Variants in LRBA observed in about 807,000 individuals in gnomAD.
LRBA encodes lipopolysaccharide-responsive and beige-like anchor protein.
A neutral mutation model predicts 330.0 loss-of-function variants in LRBA; 176 were observed. The observed-to-expected ratio is 0.53, with a 90% CI of 0.47 to 0.60. The LOEUF is 0.60. Ranked by LOEUF, LRBA falls within the 20% of genes least tolerant of loss-of-function variation. LRBA has a pLI of 0.00. For synonymous variants in LRBA, 1,230 were observed against 1,193.0 expected (o/e 1.03, Z -0.64); for missense variants, 3,259 against 3,444.8 (o/e 0.95, Z 1.35).
intron 55 of LRBA, among the ~76,000 whole-genome samples, chr4:150,278,627 T>C (rs1200356008): frequency 2.0e-5 from 3 of 152,202 alleles, no homozygotes; most frequent in Admixed American, 2.0e-4. Flanking sequence ...TGTCCTTTCC[T>C]ACTAGCGCTG....
At chr4:150,844,568 T>C in intron 27 of LRBA, 90 bp downstream of exon 27, 6 of 1,192,704 alleles carry the variant, frequency 5.0e-6, no homozygotes, top group Non-Finnish European at 1.2e-6. Flanking sequence ...CTGCCAGATT[T>C]ATTTAACTTT....
chr4:150,830,463 T>C (rs1433845094), intron 29 of LRBA, among the ~76,000 whole-genome samples: 1 of 152,190 alleles, frequency 6.6e-6, no homozygotes, highest in Non-Finnish European at 1.5e-5. Flanking sequence ...CCAGCTCAGC[T>C]GTTTTAGTCA....
chr4:150,648,170 A>AAAAAAAAAAAAAAAAAAAC (rs1203233562), intron 37 of LRBA, among the ~76,000 whole-genome samples: 2 of 144,188 alleles, frequency 1.4e-5, no homozygotes, highest in Admixed American at 7.1e-5. Flanking sequence ...AAAAAAAAAA[A>AAAAAAAAAAAAAAAAAAAC]AAAAAAACTA....
chr4:150,418,039 A>T (rs1748048331), intron 46 of LRBA, among the ~76,000 whole-genome samples: 1 of 150,278 alleles, frequency 6.7e-6, no homozygotes, highest in Admixed American at 6.6e-5. Context: ...TTTTTGGTTA[A>T]GAGACAGGGT....
chr4:150,595,543 T>C (rs1030386788), intron 38 of LRBA, among the ~76,000 whole-genome samples: 2 of 151,996 alleles, frequency 1.3e-5, no homozygotes, highest in African/African-American at 4.8e-5. Flanking sequence ...TAAAAATGTC[T>C]TGAATTCAAT....
chr4:150,590,613 A>G (rs1400223457), intron 39 of LRBA, 100 bp downstream of exon 39: 1 of 976,282 alleles, frequency 1.0e-6, no homozygotes, highest in Admixed American at 2.3e-5. Context: ...AATTGTGGGT[A>G]TAAACTTGGT....
intron 37 of LRBA, among the ~76,000 whole-genome samples, 168 bp downstream of exon 37, chr4:150,683,383 C>A (rs909764846): frequency 2.6e-5 from 4 of 152,034 alleles, no homozygotes; most frequent in African/African-American, 9.7e-5. Context: ...CATAATTGTA[C>A]CCATACTGAT....
chr4:150,570,601 T>G (rs1265730160), intron 40 of LRBA, among the ~76,000 whole-genome samples: 1 of 152,156 alleles, frequency 6.6e-6, no homozygotes, highest in East Asian at 1.9e-4. Flanking sequence ...AAAGATCTTT[T>G]GAGTCATTCA....
intron 40 of LRBA, among the ~76,000 whole-genome samples, chr4:150,514,838 T>C (rs1011170607): frequency 6.6e-6 from 1 of 152,240 alleles, no homozygotes; most frequent in Non-Finnish European, 1.5e-5. Flanking sequence ...ATGAATCATC[T>C]GCTTTGAGAA....
At chr4:151,009,741 G>C (rs544538862) in intron 2 of LRBA, among the ~76,000 whole-genome samples, 50 of 152,206 alleles carry the variant, frequency 3.3e-4, no homozygotes, top group African/African-American at 1.2e-3. Context: ...AGCACTTTGA[G>C]AGGCCAGGGC....
At position 150,690,449 on chromosome 4, in the gene LRBA, G is replaced by T. The variant is rs190458779; in HGVS notation, c.5755-6732C>A. ...ACCAGGGAGTTGGAGGTTGCAGTGA[G>T]CCGAGATCACGCCACTGCACTCCAG... On this transcript the variant is annotated intron_variant, in intron 36 of 56. Coordinates refer to ENST00000651943, the MANE Select transcript of LRBA (RefSeq NM_001364905.1). Among the ~76,000 whole-genome samples, 144 of 149,730 alleles carry T rather than the reference G, an allele frequency of 9.6e-4. 1 individual carries two copies. The highest frequency in any genetic ancestry group is 7.9e-3 in the Admixed American group (118 of 14,986).
At chr4:150,464,546 CCTTTT>C (rs1333651036) in intron 44 of LRBA, among the ~76,000 whole-genome samples, 3 of 151,966 alleles carry the variant, frequency 2.0e-5, no homozygotes, top group East Asian at 1.9e-4. Flanking sequence ...GTAAGGCCTT[CCTTTT>C]CTTTTCAATT....
intron 8 of LRBA, among the ~76,000 whole-genome samples, chr4:150,914,602 G>A (rs1241837749): frequency 6.6e-6 from 1 of 152,038 alleles, no homozygotes; most frequent in Non-Finnish European, 1.5e-5. Context: ...CACTGAGTAT[G>A]GCAAGTTACT....
intron 44 of LRBA, among the ~76,000 whole-genome samples, chr4:150,442,439 G>T (rs1296180609): frequency 1.3e-5 from 2 of 152,146 alleles, no homozygotes; most frequent in Admixed American, 6.6e-5. Flanking sequence ...GGAAAGGGAG[G>T]CAAAAGAGCA....
At chr4:150,572,044 T>C (rs1361960685) in intron 40 of LRBA, among the ~76,000 whole-genome samples, 1 of 152,050 alleles carries the variant, frequency 6.6e-6, no homozygotes, top group Non-Finnish European at 1.5e-5. Flanking sequence ...TTTTAGAACA[T>C]ATGTACTTTT....
At chr4:150,304,190 C>T (rs1382562169) in intron 52 of LRBA, among the ~76,000 whole-genome samples, 14 of 151,938 alleles carry the variant, frequency 9.2e-5, no homozygotes, top group Admixed American at 5.9e-4. Flanking sequence ...GTGTTTAACC[C>T]GTAATACATT....
chr4:150,849,084 A>G (rs146796253), intron 25 of LRBA, 86 bp from the exon 26 acceptor site: 14 of 867,880 alleles, frequency 1.6e-5, no homozygotes, highest in Non-Finnish European at 2.5e-5. Context: ...TATAAATTGC[A>G]TAAGTAGTCA....
intron 28 of LRBA, among the ~76,000 whole-genome samples, chr4:150,836,190 G>C (rs1748036918): frequency 2.0e-5 from 3 of 152,158 alleles, no homozygotes; most frequent in Admixed American, 2.0e-4. Context: ...ATGTGCTGCT[G>C]GATTCGGTTT....
intron 53 of LRBA, 107 bp downstream of exon 53, chr4:150,302,518 C>A (rs1729802835): frequency 1.7e-5 from 10 of 571,994 alleles, no homozygotes; most frequent in Non-Finnish European, 2.8e-5. Context: ...ATAAAAAATA[C>A]TTGATAATCC....
Sources: allele counts gnomAD v4.1 joint callset (sites outside exome capture counted in the v4.1 genomes callset), GRCh38; gene constraint gnomAD v4.1.1; transcripts MANE v1.5; gene names NCBI Gene and HGNC (gene_info 2026-07-23, HGNC 2026-07-21).